PRDM16: variants seen among roughly 807,000 people sequenced by gnomAD.
The protein encoded by PRDM16 is PR/SET domain 16.
A neutral mutation model predicts 110.6 loss-of-function variants in PRDM16; 23 were observed. The observed-to-expected ratio is 0.21, with a 90% CI of 0.15 to 0.29. PRDM16 has a LOEUF of 0.29. PRDM16 is among the 10% of genes least tolerant of loss of function. The pLI is 1.00. For synonymous variants in PRDM16, 799 were observed against 781.8 expected (o/e 1.02, Z -0.37); for missense variants, 1,615 against 1,794.3 (o/e 0.90, Z 1.81).
chr1:3,425,972 C>G lies in PRDM16; in HGVS notation c.3110-79C>G. 6.8e-7 allele frequency: 1 copy of G among 1,480,722 alleles called. No individual in the cohort carries two copies. The allele number at this position is 1,480,722 out of a possible 1,614,324, so 91.7% of individuals were successfully genotyped here. ...CCTCCCTAACAGCACCCCAGGTGTA[C>G]CCCGTTCGCGGTTGGTTTGCCCCAC... On this transcript the variant is annotated intron_variant, in intron 13 of 16. Coordinates refer to ENST00000270722, the MANE Select transcript of PRDM16 (RefSeq NM_022114.4). This position sits in a 1 kb window ranked among gnomAD's most constrained non-coding sequence, Gnocchi z 6.9.
At chr1:3,071,442 G>A (rs1641757998) in intron 1 of PRDM16, among the ~76,000 whole-genome samples, 1 of 152,246 alleles carries the variant, frequency 6.6e-6, no homozygotes, top group Non-Finnish European at 1.5e-5. Context: ...TGACTGCCAG[G>A]CCTCGGCCCT....
chr1:3,236,833 G>A (rs1005591103), intron 2 of PRDM16, among the ~76,000 whole-genome samples: 1 of 152,258 alleles, frequency 6.6e-6, no homozygotes, highest in African/African-American at 2.4e-5. Context: ...TCGTGGGTGT[G>A]TTCTGGGGTT....
rs141044614 is a variant in PRDM16 at position 3,356,659 on chromosome 1, G to A, written c.439-28493G>A. On this transcript the variant is annotated intron_variant, in intron 3 of 16. Coordinates refer to ENST00000270722, the MANE Select transcript of PRDM16 (RefSeq NM_022114.4). ...AGATGATCTTAGCCTGCCCCAGAGC[G>A]GCCCCAGGAGGAGGCACTGTCTCTA... 3.3e-4 allele frequency among the ~76,000 whole-genome samples: 51 copies of A among 152,300 alleles called. No individual in the cohort carries two copies. The East Asian group carries it at 9.1e-3, about 27-fold the overall frequency.
chr1:3,366,479 A>G (rs1254601186), intron 3 of PRDM16, among the ~76,000 whole-genome samples: 1 of 152,230 alleles, frequency 6.6e-6, no homozygotes, highest in Non-Finnish European at 1.5e-5. Context: ...AGGGCTGTGC[A>G]GCGGGCCTCC....
At chr1:3,294,453 C>A (rs895600278) in intron 3 of PRDM16, among the ~76,000 whole-genome samples, 1 of 152,048 alleles carries the variant, frequency 6.6e-6, no homozygotes, top group Non-Finnish European at 1.5e-5. Flanking sequence ...AGGGAGGGGC[C>A]CCAAGAGCCT....
chr1:3,120,996 T>C (rs995236305), intron 1 of PRDM16, among the ~76,000 whole-genome samples: 70 of 152,354 alleles, frequency 4.6e-4, no homozygotes, highest in African/African-American at 1.6e-3. Context: ...TATGATTGAC[T>C]TGTGAGCATG....
chr1:3,197,094 G>A (rs1327733968), intron 2 of PRDM16, among the ~76,000 whole-genome samples: 2 of 152,174 alleles, frequency 1.3e-5, no homozygotes, highest in East Asian at 3.9e-4. Flanking sequence ...ACGCGCCCCC[G>A]GGCATGGAGT....
intron 1 of PRDM16, among the ~76,000 whole-genome samples, chr1:3,158,358 A>G (rs974304604): frequency 4.6e-5 from 7 of 152,248 alleles, no homozygotes; most frequent in African/African-American, 1.7e-4. Context: ...ATGTACTGTG[A>G]TCATTTACAT....
At chr1:3,230,036 G>A (rs952409473) in intron 2 of PRDM16, among the ~76,000 whole-genome samples, 5 of 152,344 alleles carry the variant, frequency 3.3e-5, no homozygotes, top group African/African-American at 2.4e-5. Context: ...CGGATGCATG[G>A]CTGTGGCCCA....
In PRDM16 at chr1:3,206,189, CCA is replaced by C. The variant is rs1231604670; in HGVS notation, c.387+19719_387+19720del. 1 of 152,228 alleles carries C rather than the reference CCA, an allele frequency of 6.6e-6. No homozygotes were observed. The highest frequency in any genetic ancestry group is 1.5e-5 in the Non-Finnish European group (1 of 68,110). The allele number at this position is 152,228 out of a possible 1,614,324, so 9.4% of individuals were successfully genotyped here. A position where few individuals can be genotyped will look rare whatever the true frequency, so the allele number is the denominator to read the frequency against. On this transcript the variant is annotated intron_variant, in intron 2 of 16. Transcript: ENST00000270722. This position sits in a 1 kb window ranked among gnomAD's most constrained non-coding sequence, Gnocchi z 4.9. The stretch of plus-strand genomic sequence containing the variant: ...AACCTACTCTGGGAGAACCAACACC[CCA>C]CACTAAGCCAGTGGCCCACACTGAC...
chr1:3,354,898 G>A (rs552248461), intron 3 of PRDM16, among the ~76,000 whole-genome samples: 8 of 152,234 alleles, frequency 5.3e-5, no homozygotes, highest in South Asian at 4.1e-4. Context: ...GGACCGGGCC[G>A]CACCATGAAG....
At chr1:3,423,590 C>T (rs542530739) in intron 12 of PRDM16, among the ~76,000 whole-genome samples, 3 of 152,334 alleles carry the variant, frequency 2.0e-5, no homozygotes, top group South Asian at 4.1e-4. Flanking sequence ...GGGCATGTGA[C>T]CAGTATGCTG....
intron 3 of PRDM16, among the ~76,000 whole-genome samples, chr1:3,343,390 T>C (rs2483288): frequency 0.33 from 49,771 of 151,112 alleles, 8,501 homozygotes; most frequent in South Asian, 0.47. Flanking sequence ...GTCGTTTATA[T>C]GTATTACAAA....
rs12240054 is a variant in PRDM16, at chr1:3,383,557, T to C, written c.439-1595T>C. ...GCACGTGGACCACATGCTTCCCCAT[T>C]GATTGGTGCCGACGTTTAACTTTTC... On this transcript the variant is annotated intron_variant, in intron 3 of 16. Coordinates refer to ENST00000270722, the MANE Select transcript of PRDM16 (RefSeq NM_022114.4). Among the ~76,000 whole-genome samples, 1,029 of 152,180 alleles carry C rather than the reference T, an allele frequency of 6.8e-3. 11 individuals are homozygous for C. The highest frequency in any genetic ancestry group is 0.023 in the African/African-American group (968 of 41,528).
At chr1:3,179,511 A>T (rs1042891048) in intron 1 of PRDM16, among the ~76,000 whole-genome samples, 1 of 152,224 alleles carries the variant, frequency 6.6e-6, no homozygotes, top group East Asian at 1.9e-4. Flanking sequence ...CGGGCACCTG[A>T]GAGGCTGTGA....
intron 3 of PRDM16, among the ~76,000 whole-genome samples, chr1:3,299,076 G>A (rs1429220450): frequency 6.6e-6 from 1 of 152,210 alleles, no homozygotes; most frequent in Non-Finnish European, 1.5e-5. Flanking sequence ...TCTCCCTCAA[G>A]ACACTGGCTC....
chr1:3,271,015 C>T (rs539362856), intron 3 of PRDM16, among the ~76,000 whole-genome samples: 2 of 152,136 alleles, frequency 1.3e-5, no homozygotes, highest in African/African-American at 4.8e-5. Flanking sequence ...CAGGGCCTCC[C>T]AGAGGCAGAC....
At position 3,370,182 on chromosome 1, in the gene PRDM16, C is replaced by G. The variant is rs1642883091; in HGVS notation, c.439-14970C>G. Reference sequence around the variant, plus strand: ...ATGAACAAACCCACCGTGGCCTCTGCTTTGGGGAGACTGGCCACTGTGACA... The same window carrying G: ...ATGAACAAACCCACCGTGGCCTCTGGTTTGGGGAGACTGGCCACTGTGACA... On this transcript the variant is annotated intron_variant, in intron 3 of 16. Coordinates refer to ENST00000270722, the MANE Select transcript of PRDM16 (RefSeq NM_022114.4). This position sits in a 1 kb window ranked among gnomAD's most constrained non-coding sequence, Gnocchi z 4.8. 6.6e-6 allele frequency among the ~76,000 whole-genome samples: 1 copy of G among 152,136 alleles called. No individual in the cohort carries two copies. The highest frequency in any genetic ancestry group is 1.5e-5 in the Non-Finnish European group (1 of 68,036).
Position 3,396,502 on chromosome 1 carries a change from A to T in PRDM16, c.585A>T (p.Lys195Asn). ...TCTCTCCATCCTAGATTTACTATAA[A>T]GTCATTAAGGACATTGAGCCAGGTG... ...MCQISEQIYY[K>N]VIKDIEPGEE... Residue 195 changes from lysine (K) to asparagine (N), a missense_variant, in exon 5 of 17, where the codon AAA becomes AAT. Physicochemically the swap from Lys to Asn is moderately conservative, Grantham distance 94. Transcript: ENST00000270722. The T allele has an allele frequency of 6.3e-7, 1 of 1,588,132 alleles. No individual in the cohort carries two copies. The highest frequency in any genetic ancestry group is 2.2e-5 in the East Asian group (1 of 44,460).
Sources: allele counts gnomAD v4.1 joint callset (sites outside exome capture counted in the v4.1 genomes callset), GRCh38; gene constraint gnomAD v4.1.1; non-coding constraint Gnocchi (gnomAD v3.1); transcripts MANE v1.5; gene names NCBI Gene and HGNC (gene_info 2026-07-23, HGNC 2026-07-21).